The following RNF10 variants were observed in gnomAD, a reference collection of about 807,000 sequenced individuals.
The protein encoded by RNF10 is E3 ubiquitin-protein ligase RNF10.
RNF10 carries 38 observed loss-of-function variants against 91.4 expected under a neutral mutation model. The ratio of observed to expected loss-of-function variants is 0.42; its 90% CI spans 0.32 to 0.54. RNF10 has a LOEUF of 0.54. RNF10 is among the 20% of genes least tolerant of loss of function. RNF10 has a pLI of 0.16. For missense variants in RNF10, 945 were observed against 1,012.0 expected (o/e 0.93, Z 0.90); for synonymous variants, 364 against 366.3 (o/e 0.99, Z 0.07).
chr12:120,535,170 C>G (rs1328717571), intron 1 of RNF10, among the ~76,000 whole-genome samples: 3 of 152,228 alleles, frequency 2.0e-5, no homozygotes, highest in Non-Finnish European at 4.4e-5. Context: ...CATTAATACT[C>G]AAAACTGCTC....
chr12:120,539,571 A>G (rs750168666), intron 1 of RNF10: 2 of 478,772 alleles, frequency 4.2e-6, no homozygotes, highest in Non-Finnish European at 7.6e-6. Context: ...AGAGCTAGAA[A>G]TGAAGATGCC....
chr12:120,553,729 A>G (rs1593075737), intron 3 of RNF10, among the ~76,000 whole-genome samples: 1 of 152,092 alleles, frequency 6.6e-6, no homozygotes, highest in South Asian at 2.1e-4. Flanking sequence ...TTAAGAGACA[A>G]TTGAATGACA....
chr12:120,535,017 G>GGGGA (rs769241900), intron 1 of RNF10, 49 bp downstream of exon 1: 9 of 1,521,956 alleles, frequency 5.9e-6, no homozygotes, highest in Non-Finnish European at 7.0e-6. Context: ...CCCTGCTGCT[G>GGGGA]GGGAGAGTCG....
chr12:120,540,181 T>C (rs990767266), intron 1 of RNF10, among the ~76,000 whole-genome samples: 8 of 151,674 alleles, frequency 5.3e-5, no homozygotes, highest in Non-Finnish European at 1.0e-4. Context: ...CAGGCTGGTC[T>C]CAAATTCCTG....
rs778043432 is a variant in RNF10 at position 120,534,753 on chromosome 12, C to A, written c.-59C>A. 427 of 1,512,212 alleles carry A rather than the reference C, an allele frequency of 2.8e-4. No homozygotes were observed. Among genetic ancestry groups the A allele is most frequent in the Non-Finnish European group, 3.6e-4 (408 of 1,138,076 alleles). The allele number at this position is 1,512,212 out of a possible 1,614,324, so 93.7% of individuals were successfully genotyped here. A position where few individuals can be genotyped will look rare whatever the true frequency, so the allele number is the denominator to read the frequency against. On this transcript the variant is annotated 5_prime_UTR_variant, in exon 1 of 17. Transcript: ENST00000325954. Reference sequence around the variant, plus strand: ...CCCCGCCGGCCCTGAACGCCATGAGCCTGGGTCCCCGCCGCGCCCGCTCCG... The same window carrying A: ...CCCCGCCGGCCCTGAACGCCATGAGACTGGGTCCCCGCCGCGCCCGCTCCG...
Position 120,563,857 on chromosome 12 carries a change from C to A in RNF10, c.1579C>A (p.Leu527Ile). Residue 527 changes from leucine to isoleucine, a missense_variant, in exon 10 of 17, where the codon CTC becomes ATC. Leu to Ile is a conservative substitution (Grantham distance 5). Transcript: ENST00000325954. ...CCTGCACCCTGTGAATGTGCGCTGC[C>A]TCGTGCGGGAGTACGGCAGCCTGGA... ...MFLHPVNVRC[L>I]VREYGSLERS... 1 of 1,614,158 alleles carries A rather than the reference C, an allele frequency of 6.2e-7. No homozygotes were observed. The highest frequency in any genetic ancestry group is 8.5e-7 in the Non-Finnish European group (1 of 1,180,044).
At chr12:120,567,086 G>T in intron 13 of RNF10, 106 bp downstream of exon 13, 1 of 1,072,988 alleles carries the variant, frequency 9.3e-7, no homozygotes, top group Non-Finnish European at 1.3e-6. Context: ...TGGACTTCAG[G>T]GGCATAACCT....
chr12:120,557,809 G>T lies in RNF10; in HGVS notation c.967+127G>T. On this transcript the variant is annotated intron_variant, in intron 6 of 16. Transcript: ENST00000325954. The stretch of plus-strand genomic sequence containing the variant: ...TCTGGCATGTTCATATTAGTCATAG[G>T]ATTCCAGTAGGTTAGGGTGGGGTTT... 3.0e-6 allele frequency: 3 copies of T among 1,012,896 alleles called. No homozygotes were observed. In the South Asian group the frequency reaches 4.6e-5, roughly 15 times the overall value. The allele number at this position is 1,012,896 out of a possible 1,614,324, so 62.7% of individuals were successfully genotyped here. A position where few individuals can be genotyped will look rare whatever the true frequency, so the allele number is the denominator to read the frequency against.
intron 10 of RNF10, among the ~76,000 whole-genome samples, chr12:120,564,454 CTACAAAAAA>C (rs900895938): frequency 6.6e-6 from 1 of 152,018 alleles, no homozygotes; most frequent in Non-Finnish European, 1.5e-5. Context: ...CAGGGCATTT[CTACAAAAAA>C]TACAAAAAAA....
chr12:120,564,765 C>T (rs573477453), intron 10 of RNF10, among the ~76,000 whole-genome samples: 3 of 152,234 alleles, frequency 2.0e-5, no homozygotes, highest in Non-Finnish European at 2.9e-5. Flanking sequence ...CTTCTCTGTT[C>T]GTCCCCCTCA....
In RNF10 at chr12:120,575,830, G is replaced by T; in HGVS notation, c.2239G>T (p.Asp747Tyr). 6.2e-7 allele frequency: 1 copy of T among 1,614,174 alleles called. No homozygotes were observed. The highest frequency in any genetic ancestry group is 8.5e-7 in the Non-Finnish European group (1 of 1,180,024). The change falls in exon 16 of 17, where the codon GAC (aspartate) becomes TAC (tyrosine). Residue 747 changes from aspartate to tyrosine, a missense_variant. Asp to Tyr is a radical substitution (Grantham distance 160, BLOSUM62 -3). Transcript: ENST00000325954. ...SLVPPAPVDSDGESDNSDRVP... is the reference protein window; with the variant it reads ...SLVPPAPVDSYGESDNSDRVP... ...AGTTCCTCCTGCCCCTGTGGACAGC[G>T]ACGGGGAGAGTGATAATTCAGACCG...
At chr12:120,537,991 A>G (rs970677394) in intron 1 of RNF10, among the ~76,000 whole-genome samples, 1 of 152,204 alleles carries the variant, frequency 6.6e-6, no homozygotes. Flanking sequence ...GCTCTGATGC[A>G]GTGACTTCAC....
Position 120,563,871 on chromosome 12 carries a change from C to T in RNF10, c.1593C>T (p.Tyr531=), listed in dbSNP as rs149497258. 3.0e-5 allele frequency: 49 copies of T among 1,613,958 alleles called. No individual in the cohort carries two copies. Among genetic ancestry groups the T allele is most frequent in the African/African-American group, 9.3e-5 (7 of 74,894 alleles). Reference sequence around the variant, plus strand: ...ATGTGCGCTGCCTCGTGCGGGAGTACGGCAGCCTGGAGAGGAGCCCCGAGA... The same window carrying T: ...ATGTGCGCTGCCTCGTGCGGGAGTATGGCAGCCTGGAGAGGAGCCCCGAGA... The part of the protein sequence containing the change: ...PVNVRCLVRE[Y]GSLERSPEKI... Residue 531 remains tyrosine, a synonymous_variant, in exon 10 of 17, where the codon TAC becomes TAT. Transcript: ENST00000325954.
chr12:120,552,477 G>A, intron 2 of RNF10, 22 bp from the exon 3 acceptor site: 1 of 1,601,708 alleles, frequency 6.2e-7, no homozygotes. Flanking sequence ...CTGAAATACT[G>A]ATTCATTCTC....
chr12:120,543,804 ATAAATT>A (rs905976890), intron 1 of RNF10, among the ~76,000 whole-genome samples: 21 of 151,816 alleles, frequency 1.4e-4, no homozygotes, highest in African/African-American at 5.1e-4. Flanking sequence ...CTGTCTCAAA[ATAAATT>A]TAAAAATTAG....
intron 6 of RNF10, among the ~76,000 whole-genome samples, chr12:120,557,996 G>A (rs1018060423): frequency 5.3e-5 from 8 of 152,172 alleles, no homozygotes; most frequent in South Asian, 2.1e-4. Context: ...TCAGTAGTCC[G>A]ATAGAAGAGA....
intron 9 of RNF10, 69 bp from the exon 10 acceptor site, chr12:120,563,741 A>G (rs1875263615): frequency 6.3e-7 from 1 of 1,590,778 alleles, no homozygotes; most frequent in African/African-American, 1.3e-5. Flanking sequence ...GCCCTTGGGC[A>G]TGGGGAGGGG....
intron 6 of RNF10, among the ~76,000 whole-genome samples, chr12:120,560,016 G>A (rs1010230735): frequency 6.6e-6 from 1 of 151,912 alleles, no homozygotes; most frequent in African/African-American, 2.4e-5. Context: ...CTAAACTCAA[G>A]CAATCTTCCT....
chr12:120,557,193 T>TG, intron 4 of RNF10, 89 bp from the exon 5 acceptor site: 1 of 1,113,788 alleles, frequency 9.0e-7, no homozygotes, highest in South Asian at 1.4e-5. Context: ...ATGAGAGAGA[T>TG]GCGGATGAGA....
Sources: allele counts gnomAD v4.1 joint callset (sites outside exome capture counted in the v4.1 genomes callset), GRCh38; gene constraint gnomAD v4.1.1; transcripts MANE v1.5; gene names NCBI Gene and HGNC (gene_info 2026-07-23, HGNC 2026-07-21).